FARS2: variants seen among roughly 807,000 people sequenced by gnomAD.
FARS2 encodes the protein phenylalanyl-tRNA synthetase 2, mitochondrial.
In FARS2, 40 loss-of-function variants were observed where a neutral mutation model predicts 46.4. The observed-to-expected ratio is 0.86, with a 90% confidence interval of 0.67 to 1.12. The LOEUF (loss-of-function observed/expected upper bound fraction) is 1.12, where lower values mean the gene tolerates loss of function less well. Among genes scored for constraint, FARS2 ranks in the 50% most tolerant of loss-of-function variants. The pLI is 0.00. For synonymous variants in FARS2, 234 were observed against 214.9 expected (o/e 1.09, Z -0.78); for missense variants, 513 against 567.9 (o/e 0.90, Z 0.98).
chr6:5,716,671 A>G (rs1356310293), intron 6 of FARS2, among the ~76,000 whole-genome samples: 4 of 152,222 alleles, frequency 2.6e-5, no homozygotes, highest in Admixed American at 2.6e-4. Flanking sequence ...GCTGTAATTC[A>G]GGGAACCCAC....
intron 6 of FARS2, among the ~76,000 whole-genome samples, chr6:5,642,738 T>C (rs1273789637): frequency 6.6e-6 from 1 of 152,218 alleles, no homozygotes; most frequent in African/African-American, 2.4e-5. Context: ...TGTAAACAAC[T>C]TCAAAGAAGG....
intron 4 of FARS2, among the ~76,000 whole-genome samples, chr6:5,444,637 C>G (rs1013426196): frequency 2.0e-5 from 3 of 152,078 alleles, no homozygotes; most frequent in Non-Finnish European, 4.4e-5. Flanking sequence ...ATGGTATTCC[C>G]AGTTCCTAGA....
At chr6:5,766,348 G>A (rs1228588070) in intron 6 of FARS2, among the ~76,000 whole-genome samples, 2 of 152,272 alleles carry the variant, frequency 1.3e-5, no homozygotes, top group Admixed American at 6.5e-5. Context: ...TTCCCAGCCA[G>A]CTGTCTGGCT....
At chr6:5,542,086 G>C (rs2150491720) in intron 4 of FARS2, among the ~76,000 whole-genome samples, 1 of 152,246 alleles carries the variant, frequency 6.6e-6, no homozygotes, top group African/African-American at 2.4e-5. Flanking sequence ...GGATTTGGTG[G>C]GTTTTGGCCT....
intron 6 of FARS2, among the ~76,000 whole-genome samples, chr6:5,629,864 A>G (rs1776220225): frequency 6.6e-6 from 1 of 152,058 alleles, no homozygotes. Flanking sequence ...TTCAAAGGAG[A>G]GATCGTGGGG....
chr6:5,371,337 AGAG>A, intron 2 of FARS2: 1 of 180,208 alleles, frequency 5.5e-6, no homozygotes, highest in Non-Finnish European at 1.1e-5. Flanking sequence ...ATAATGTTAC[AGAG>A]ACAATTTTAA....
intron 4 of FARS2, among the ~76,000 whole-genome samples, chr6:5,462,549 T>A (rs1765300405): frequency 1.3e-5 from 2 of 152,236 alleles, no homozygotes; most frequent in Admixed American, 1.3e-4. Flanking sequence ...CCATTTTGAT[T>A]TAAATTTTGT....
intron 6 of FARS2, among the ~76,000 whole-genome samples, chr6:5,698,626 A>G (rs1267329685): frequency 6.6e-6 from 1 of 152,128 alleles, no homozygotes; most frequent in Non-Finnish European, 1.5e-5. Context: ...AATGTCCCCC[A>G]TATAAATGGA....
intron 4 of FARS2, among the ~76,000 whole-genome samples, chr6:5,488,670 G>A (rs554281198): frequency 1.6e-5 from 2 of 125,986 alleles, no homozygotes; most frequent in East Asian, 4.1e-4. Context: ...TTGAATTTGA[G>A]GTGCCTCTTA....
the FARS2 span, among the ~76,000 whole-genome samples, chr6:5,251,923 G>A: frequency 1.3e-5 from 2 of 152,164 alleles, no homozygotes; most frequent in African/African-American, 2.4e-5. Flanking sequence ...TCTGGATTGC[G>A]ACTGGTAATA....
upstream of FARS2, chr6:5,260,605 C>A (rs766795190): frequency 2.9e-5 from 24 of 822,168 alleles, no homozygotes; most frequent in Non-Finnish European, 4.6e-5. Context: ...CGGTCCCCGG[C>A]CCCTGGCCCC....
At chr6:5,681,903 G>A (rs1267044521) in intron 6 of FARS2, among the ~76,000 whole-genome samples, 5 of 152,076 alleles carry the variant, frequency 3.3e-5, no homozygotes, top group Non-Finnish European at 1.5e-5. Flanking sequence ...GTGATTTAGA[G>A]CTTTCTAACA....
chr6:5,417,076 T>C lies in FARS2; in HGVS notation c.772+12375T>C, dbSNP rs74779255. 5.3e-4 allele frequency among the ~76,000 whole-genome samples: 80 copies of C among 152,320 alleles called. No individual in the cohort carries two copies. In the East Asian group the frequency reaches 0.015, roughly 28 times the overall value. On this transcript the variant is annotated intron_variant, in intron 3 of 6. Transcript: ENST00000274680. ...TCTTCATCTGGGTTCCCAACTGATA[T>C]TTTCCTTCTGCACAGCAGAAGGTCT...
At chr6:5,278,334 CAGAGCTTGGTATTGTT>C (rs1367979630) in intron 1 of FARS2, among the ~76,000 whole-genome samples, 5 of 152,112 alleles carry the variant, frequency 3.3e-5, no homozygotes, top group African/African-American at 4.8e-5. Flanking sequence ...GGTGTGTAGA[CAGAGCTTGGTATTGTT>C]GCCACGAGTG....
chr6:5,564,025 G>T (rs1772171513), intron 5 of FARS2, among the ~76,000 whole-genome samples: 1 of 152,116 alleles, frequency 6.6e-6, no homozygotes, highest in Admixed American at 6.5e-5. Flanking sequence ...AAAAGTCCTA[G>T]CAGACTCAGT....
chr6:5,320,161 A>G (rs1769864820), intron 1 of FARS2, among the ~76,000 whole-genome samples: 1 of 152,218 alleles, frequency 6.6e-6, no homozygotes, highest in African/African-American at 2.4e-5. Flanking sequence ...GGTTTGGGCA[A>G]CTTTTCACTT....
intron 1 of FARS2, among the ~76,000 whole-genome samples, chr6:5,288,569 G>A (rs539345295): frequency 5.3e-5 from 8 of 152,156 alleles, no homozygotes; most frequent in Non-Finnish European, 1.2e-4. Context: ...GAACACAGCC[G>A]TGATCTGTGG....
At chr6:5,753,147 G>A (rs548400117) in intron 6 of FARS2, among the ~76,000 whole-genome samples, 392 of 151,208 alleles carry the variant, frequency 2.6e-3, no homozygotes, top group Non-Finnish European at 4.2e-3. Context: ...GCAATGAGGT[G>A]GAGAGAGGGT....
At chr6:5,768,944 T>C (rs1160895829) in intron 6 of FARS2, among the ~76,000 whole-genome samples, 1 of 152,246 alleles carries the variant, frequency 6.6e-6, no homozygotes, top group Admixed American at 6.5e-5. Flanking sequence ...ACTTTCTTGA[T>C]TGTATGCCTT....
Sources: allele counts gnomAD v4.1 joint callset (sites outside exome capture counted in the v4.1 genomes callset), GRCh38; gene constraint gnomAD v4.1.1; transcripts MANE v1.5; gene names NCBI Gene and HGNC (gene_info 2026-07-23, HGNC 2026-07-21).